Variants in AGO3 observed in about 807,000 individuals in gnomAD.
The protein encoded by AGO3 is protein argonaute-3.
A neutral mutation model predicts 105.5 loss-of-function variants in AGO3; 16 were observed. That is an observed-to-expected ratio of 0.15 (90% confidence interval 0.10 to 0.23). AGO3 has a LOEUF of 0.23. Among genes scored for constraint, AGO3 ranks in the 10% least tolerant of loss-of-function variants. AGO3 has a pLI of 1.00. For missense variants in AGO3, 534 were observed against 1,088.0 expected (o/e 0.49, Z 7.16); for synonymous variants, 340 against 367.3 (o/e 0.93, Z 0.85).
At chr1:36,005,276 G>A (rs749832659) in intron 6 of AGO3, among the ~76,000 whole-genome samples, 1 of 151,804 alleles carries the variant, frequency 6.6e-6, no homozygotes, top group Non-Finnish European at 1.5e-5. Flanking sequence ...TTTGAATGAA[G>A]CATTTAAGTT....
intron 5 of AGO3, among the ~76,000 whole-genome samples, chr1:35,995,275 C>G (rs1162044532): frequency 2.0e-5 from 3 of 146,518 alleles, no homozygotes; most frequent in Admixed American, 6.9e-5. Flanking sequence ...GATTTATATG[C>G]TGGTACAAAG....
chr1:35,931,562 G>C (rs1393102015), intron 1 of AGO3, 117 bp downstream of exon 1: 2 of 1,123,932 alleles, frequency 1.8e-6, no homozygotes, highest in African/African-American at 1.6e-5. Context: ...GGCATCGCTC[G>C]GTCTCCCGCC....
At chr1:35,974,405 G>A (rs1646920869) in intron 5 of AGO3, among the ~76,000 whole-genome samples, 2 of 151,990 alleles carry the variant, frequency 1.3e-5, no homozygotes, top group Admixed American at 1.3e-4. Context: ...TGGGTCACTT[G>A]TTCTGTAGAA....
chr1:35,954,067 T>G (rs1646521599), intron 2 of AGO3, among the ~76,000 whole-genome samples: 1 of 152,226 alleles, frequency 6.6e-6, no homozygotes, highest in Non-Finnish European at 1.5e-5. Flanking sequence ...TTAAAATGAT[T>G]TAGACAACAT....
chr1:35,960,872 A>G (rs1412597394), intron 2 of AGO3, among the ~76,000 whole-genome samples: 1 of 152,150 alleles, frequency 6.6e-6, no homozygotes, highest in Non-Finnish European at 1.5e-5. Flanking sequence ...AATTATTCAT[A>G]AAAGTAATAT....
intron 11 of AGO3, among the ~76,000 whole-genome samples, chr1:36,022,062 C>CTTTT (rs34538981): frequency 1.6e-4 from 18 of 110,286 alleles, no homozygotes; most frequent in South Asian, 6.2e-4. Context: ...AGTTGGGGGC[C>CTTTT]TTTTTTTTTT....
intron 11 of AGO3, among the ~76,000 whole-genome samples, chr1:36,020,880 G>A (rs952064374): frequency 3.3e-5 from 5 of 152,028 alleles, no homozygotes; most frequent in African/African-American, 1.2e-4. Context: ...GCCTCCCAAA[G>A]TGCTGGGATT....
intron 5 of AGO3, among the ~76,000 whole-genome samples, chr1:35,974,027 C>T (rs574190750): frequency 6.6e-6 from 1 of 152,250 alleles, no homozygotes; most frequent in African/African-American, 2.4e-5. Flanking sequence ...ATTTTTCTAC[C>T]TTTGCGTAAT....
At chr1:36,016,474 G>A (rs1254744961) in intron 11 of AGO3, among the ~76,000 whole-genome samples, 4 of 152,148 alleles carry the variant, frequency 2.6e-5, no homozygotes, top group African/African-American at 4.8e-5. Context: ...GAGCCACTGC[G>A]CCTGGCCTAG....
intron 2 of AGO3, among the ~76,000 whole-genome samples, chr1:35,964,376 T>C (rs1332841749): frequency 6.6e-6 from 1 of 152,122 alleles, no homozygotes; most frequent in Non-Finnish European, 1.5e-5. Context: ...GAGCATGCAG[T>C]ATTTGGGTTT....
chr1:36,034,354 A>C lies in AGO3; in HGVS notation c.1751+21A>C, dbSNP rs1267005364. ...CAAAGGTAAGATATGCTAATCGCTTATGAAAATATTATTTTTATATCTTCA... is the reference window on the plus strand; with the variant it reads ...CAAAGGTAAGATATGCTAATCGCTTCTGAAAATATTATTTTTATATCTTCA... On this transcript the variant is annotated intron_variant, in intron 13 of 18. Transcript: ENST00000373191. 4 of 1,543,342 alleles carry C rather than the reference A, an allele frequency of 2.6e-6. No homozygotes were observed. The African/African-American group carries it at 5.5e-5, about 21-fold the overall frequency.
At chr1:35,973,594 A>G (rs186137370) in intron 5 of AGO3, 83 bp downstream of exon 5, 3 of 1,285,998 alleles carry the variant, frequency 2.3e-6, no homozygotes, top group Non-Finnish European at 2.0e-6. Flanking sequence ...ATAATTATAC[A>G]TACTGGTGTC....
At chr1:35,943,535 AG>A (rs1169500919) in intron 1 of AGO3, among the ~76,000 whole-genome samples, 2 of 150,754 alleles carry the variant, frequency 1.3e-5, no homozygotes, top group Non-Finnish European at 2.9e-5. Flanking sequence ...TCCCAACCTC[AG>A]GTGATCCACC....
intron 11 of AGO3, 33 bp downstream of exon 11, chr1:36,014,081 T>C: frequency 6.2e-6 from 10 of 1,613,484 alleles, no homozygotes; most frequent in Non-Finnish European, 7.6e-6. Flanking sequence ...CTTTGGGACT[T>C]TTTTGTGTTT....
Position 36,008,551 on chromosome 1 carries a change from G to A in AGO3, c.794-139G>A, listed in dbSNP as rs530842873. ...TTAGCAATGTTATATGTAAAATCTG[G>A]TGTTTATATCATCTTGCCTGTATCA... On this transcript the variant is annotated intron_variant, in intron 6 of 18. Coordinates refer to ENST00000373191, the MANE Select transcript of AGO3 (RefSeq NM_024852.4). This position sits in a 1 kb window ranked among gnomAD's most constrained non-coding sequence, Gnocchi z 5.1. The A allele has an allele frequency of 3.3e-5, 24 of 724,472 alleles. No individual in the cohort carries two copies. Among genetic ancestry groups the A allele is most frequent in the African/African-American group, 2.0e-4 (11 of 55,602 alleles). 44.9% of individuals were successfully genotyped at this position (724,472 alleles called of 1,614,324 possible).
intron 5 of AGO3, among the ~76,000 whole-genome samples, chr1:35,998,354 A>G (rs1639937656): frequency 6.6e-6 from 1 of 152,194 alleles, no homozygotes; most frequent in African/African-American, 2.4e-5. Flanking sequence ...TAATGCTACA[A>G]TAAGGATATG....
chr1:35,990,878 C>T (rs1414812708), intron 5 of AGO3, among the ~76,000 whole-genome samples: 2 of 152,256 alleles, frequency 1.3e-5, no homozygotes, highest in South Asian at 2.1e-4. Flanking sequence ...CAGAACTTTT[C>T]TTTCGGGTGG....
In AGO3 at chr1:36,058,263, T is replaced by C. The variant is rs757913767; in HGVS notation, c.*2518T>C. 1.3e-5 allele frequency: 2 copies of C among 152,154 alleles called. No homozygotes were observed. The highest frequency in any genetic ancestry group is 2.9e-5 in the Non-Finnish European group (2 of 68,040). 9.4% of individuals were successfully genotyped at this position (152,154 alleles called of 1,614,324 possible). ...GATAGTAACAAAGGAAGTTAGGACTTTGATCATTTTAAATCAGTTAAATCA... is the reference window on the plus strand; with the variant it reads ...GATAGTAACAAAGGAAGTTAGGACTCTGATCATTTTAAATCAGTTAAATCA... On this transcript the variant is annotated 3_prime_UTR_variant, in exon 19 of 19. Transcript: ENST00000373191.
At chr1:35,990,317 G>T (rs55659060) in intron 5 of AGO3, among the ~76,000 whole-genome samples, 10,356 of 152,138 alleles carry the variant, frequency 0.068, 413 homozygotes, top group South Asian at 0.15. Flanking sequence ...GACCATCCTG[G>T]CTAACACAGT....
Sources: allele counts gnomAD v4.1 joint callset (sites outside exome capture counted in the v4.1 genomes callset), GRCh38; gene constraint gnomAD v4.1.1; non-coding constraint Gnocchi (gnomAD v3.1); transcripts MANE v1.5; gene names NCBI Gene and HGNC (gene_info 2026-07-23, HGNC 2026-07-21).